ST3GAL4: variants seen among roughly 807,000 people sequenced by gnomAD.
ST3GAL4 encodes ST3 beta-galactoside alpha-2,3-sialyltransferase 4.
Under a neutral mutation model 42.6 loss-of-function variants are expected in ST3GAL4, and 24 were observed. The ratio of observed to expected loss-of-function variants is 0.56; its 90% CI spans 0.41 to 0.79. The LOEUF (loss-of-function observed/expected upper bound fraction) is 0.79, where lower values mean the gene tolerates loss of function less well. Ranked by LOEUF, ST3GAL4 falls within the 30% of genes least tolerant of loss-of-function variation. The probability of loss-of-function intolerance (pLI) is 0.00; values close to 1 mark genes in which losing one functional copy is unlikely to be tolerated. For synonymous variants in ST3GAL4, 135 were observed against 163.2 expected (o/e 0.83, Z 1.32); for missense variants, 311 against 430.8 (o/e 0.72, Z 2.46).
rs569749065 is a variant in ST3GAL4 at position 126,398,960 on chromosome 11, A to T, written c.-60-7136A>T. Among the ~76,000 whole-genome samples the T allele has an allele frequency of 2.0e-5, 3 of 152,304 alleles. No individual in the cohort carries two copies. The highest frequency in any genetic ancestry group is 7.2e-5 in the African/African-American group (3 of 41,566). ...GAGGGCTCCCAAGACCTGGCTTTTG[A>T]CATAGTTCCTTCCCTCAGATTTTGG... On this transcript the variant is annotated intron_variant, in intron 1 of 10. Transcript: ENST00000444328. The surrounding 1 kb of genome is among the most constrained non-coding windows in gnomAD (Gnocchi z 4.7).
intron 1 of ST3GAL4, among the ~76,000 whole-genome samples, chr11:126,369,954 A>G (rs1454646616): frequency 6.6e-6 from 1 of 152,210 alleles, no homozygotes; most frequent in East Asian, 1.9e-4. Context: ...TATGCTTTGG[A>G]GATCAGTTGA....
At position 126,396,176 on chromosome 11, in the gene ST3GAL4, G is replaced by A. The variant is rs1017770869; in HGVS notation, c.-60-9920G>A. 4.6e-5 allele frequency among the ~76,000 whole-genome samples: 7 copies of A among 151,954 alleles called. No homozygotes were observed. Among genetic ancestry groups the A allele is most frequent in the African/African-American group, 1.5e-4 (6 of 41,300 alleles). Reference sequence around the variant, plus strand: ...TTAATGACGTCAAATGCACAGTCCAGCTTGAGTCCCCTCTAGAACGTGGGC... The same window carrying A: ...TTAATGACGTCAAATGCACAGTCCAACTTGAGTCCCCTCTAGAACGTGGGC... On this transcript the variant is annotated intron_variant, in intron 1 of 10. Transcript: ENST00000444328. This position sits in a 1 kb window ranked among gnomAD's most constrained non-coding sequence, Gnocchi z 5.8.
In ST3GAL4 at chr11:126,384,765, G is replaced by C; in HGVS notation, c.-60-21331G>C. 1.0e-6 allele frequency: 1 copy of C among 985,346 alleles called. No homozygotes were observed. Among genetic ancestry groups the C allele is most frequent in the Non-Finnish European group, 1.2e-6 (1 of 829,916 alleles). The allele number at this position is 985,346 out of a possible 1,614,324, so 61.0% of individuals were successfully genotyped here. On this transcript the variant is annotated intron_variant, in intron 1 of 10. Transcript: ENST00000444328. The surrounding 1 kb of genome is among the most constrained non-coding windows in gnomAD (Gnocchi z 5.5). Reference sequence around the variant, plus strand: ...TGGGCCATGGGTGAATCTGAGTCGAGGGCAGGACAGAGTGGGAGTGGCAGT... The same window carrying C: ...TGGGCCATGGGTGAATCTGAGTCGACGGCAGGACAGAGTGGGAGTGGCAGT...
At position 126,388,660 on chromosome 11, in the gene ST3GAL4, G is replaced by GTTTTTT. The variant is rs10599019; in HGVS notation, c.-60-17420_-60-17415dup. On this transcript the variant is annotated intron_variant, in intron 1 of 10. Transcript: ENST00000444328. ...TGCCTATTTTTAAATTAGGTTTCTT[G>GTTTTTT]TTTTTTTTTTTTTTTTTTTTTCTGA... Among the ~76,000 whole-genome samples the GTTTTTT allele has an allele frequency of 1.2e-3, 97 of 79,198 alleles. 1 individual carries two copies. The highest frequency in any genetic ancestry group is 8.2e-3 in the Middle Eastern group (1 of 122). The allele number at this position is 79,198 out of a possible 152,430, so 52.0% of individuals were successfully genotyped here. A position where few individuals can be genotyped will look rare whatever the true frequency, so the allele number is the denominator to read the frequency against.
At chr11:126,371,492 C>G (rs1215264343) in intron 1 of ST3GAL4, among the ~76,000 whole-genome samples, 4 of 152,236 alleles carry the variant, frequency 2.6e-5, no homozygotes, top group South Asian at 2.1e-4. Context: ...TAAGCACGCA[C>G]TATTTACAAA....
chr11:126,408,591 A>G, intron 8 of ST3GAL4, 95 bp downstream of exon 8: 3 of 1,442,884 alleles, frequency 2.1e-6, no homozygotes, highest in Non-Finnish European at 2.8e-6. Context: ...TGGCAGTCCT[A>G]AAGAGGCTGT....
intron 1 of ST3GAL4, among the ~76,000 whole-genome samples, chr11:126,394,879 A>G (rs1319183558): frequency 7.9e-5 from 12 of 151,714 alleles, no homozygotes; most frequent in Non-Finnish European, 1.6e-4. Flanking sequence ...GGGAACAGAG[A>G]GTCTTCTTTT....
chr11:126,399,144 A>G (rs1166235474), intron 1 of ST3GAL4, among the ~76,000 whole-genome samples: 1 of 152,016 alleles, frequency 6.6e-6, no homozygotes, highest in East Asian at 1.9e-4. Context: ...GGTCCATACT[A>G]ATATTCTTAT....
intron 6 of ST3GAL4, among the ~76,000 whole-genome samples, chr11:126,407,843 C>G (rs1954324699): frequency 6.6e-6 from 1 of 151,986 alleles, no homozygotes; most frequent in African/African-American, 2.4e-5. Flanking sequence ...AGGCGTTTCT[C>G]ATTGATACAC....
rs749789592 is a variant in ST3GAL4 at position 126,413,976 on chromosome 11, G to A, written c.931G>A (p.Val311Ile). Residue 311 changes from valine (V) to isoleucine (I), a missense_variant, in exon 11 of 11, where the codon GTC becomes ATC. By Grantham distance (29) the Val-to-Ile change is conservative (BLOSUM62 3). Transcript: ENST00000444328. ...LKSMAGSGHN[V>I]SQEALAIKRM... ...GTCTCCACAGGGGTCAGGCCATAAT[G>A]TCTCCCAAGAGGCCCTGGCCATTAA... is the stretch of plus-strand genomic sequence containing the variant. The A allele has an allele frequency of 6.2e-7, 1 of 1,614,248 alleles. No homozygotes were observed. Among genetic ancestry groups the A allele is most frequent in the Admixed American group, 1.7e-5 (1 of 60,032 alleles).
In ST3GAL4 at chr11:126,383,419, G is replaced by A. The variant is rs545124489; in HGVS notation, c.-60-22677G>A. On this transcript the variant is annotated intron_variant, in intron 1 of 10. Coordinates refer to ENST00000444328, the MANE Select transcript of ST3GAL4 (RefSeq NM_001254757.2). This position sits in a 1 kb window ranked among gnomAD's most constrained non-coding sequence, Gnocchi z 4.5. ...GTGGGAGGAACCCACTGGGCCTGAG[G>A]GAGGTAGAGCAGCAGCAGCAGCAGC... Among the ~76,000 whole-genome samples the A allele has an allele frequency of 6.6e-6, 1 of 152,120 alleles. No individual in the cohort carries two copies. The highest frequency in any genetic ancestry group is 2.1e-4 in the South Asian group (1 of 4,830).
chr11:126,364,929 A>G (rs1952373036), intron 1 of ST3GAL4, among the ~76,000 whole-genome samples: 1 of 149,754 alleles, frequency 6.7e-6, no homozygotes. Context: ...CAAGAAGTGA[A>G]TGTTCTCTTT....
rs1254452932 is a variant in ST3GAL4 at position 126,411,602 on chromosome 11, C to T, written c.772-1903C>T. On this transcript the variant is annotated intron_variant, in intron 9 of 10. Transcript: ENST00000444328. The surrounding 1 kb of genome is among the most constrained non-coding windows in gnomAD (Gnocchi z 6.3). ...CTCGGTGTGTCAACCAGACAGTTCT[C>T]ATCTGGAAGCTTGGGGGAAAATTTT... Among the ~76,000 whole-genome samples, 3 of 152,176 alleles carry T rather than the reference C, an allele frequency of 2.0e-5. No individual in the cohort carries two copies. The highest frequency in any genetic ancestry group is 4.4e-5 in the Non-Finnish European group (3 of 68,036).
rs948535914 is a variant in ST3GAL4 at position 126,359,597 on chromosome 11, G to A, written c.-61+3755G>A. Among the ~76,000 whole-genome samples the A allele has an allele frequency of 2.6e-5, 4 of 152,162 alleles. No individual in the cohort carries two copies. The highest frequency in any genetic ancestry group is 4.4e-5 in the Non-Finnish European group (3 of 68,030). Reference sequence around the variant, plus strand: ...TTGCTCAAGGCCACAGTGTATTAGTGTCAAAGGTGGAACACAAACCCTGAC... The same window carrying A: ...TTGCTCAAGGCCACAGTGTATTAGTATCAAAGGTGGAACACAAACCCTGAC... On this transcript the variant is annotated intron_variant, in intron 1 of 10. Transcript: ENST00000444328. The surrounding 1 kb of genome is among the most constrained non-coding windows in gnomAD (Gnocchi z 4.8).
intron 1 of ST3GAL4, among the ~76,000 whole-genome samples, chr11:126,394,776 G>A (rs1437653532): frequency 2.0e-5 from 3 of 146,876 alleles, no homozygotes; most frequent in African/African-American, 5.0e-5. Context: ...GCTGATAAAC[G>A]GGTGATACAA....
intron 1 of ST3GAL4, among the ~76,000 whole-genome samples, chr11:126,381,353 C>A (rs1382097898): frequency 2.0e-5 from 3 of 152,172 alleles, no homozygotes; most frequent in African/African-American, 7.2e-5. Context: ...GTTACTGTGA[C>A]CCATTCCGGC....
rs1953131658 is a variant in ST3GAL4, at chr11:126,384,312, C to T, written c.-60-21784C>T. Among the ~76,000 whole-genome samples, 1 of 152,190 alleles carries T rather than the reference C, an allele frequency of 6.6e-6. No individual in the cohort carries two copies. The highest frequency in any genetic ancestry group is 1.5e-5 in the Non-Finnish European group (1 of 68,038). ...CCCAGATCTCCGGTGCTCCAAGACACTCAAAACCAGAGCTGAGAGCCTGAA... is the reference window on the plus strand; with the variant it reads ...CCCAGATCTCCGGTGCTCCAAGACATTCAAAACCAGAGCTGAGAGCCTGAA... On this transcript the variant is annotated intron_variant, in intron 1 of 10. Coordinates refer to ENST00000444328, the MANE Select transcript of ST3GAL4 (RefSeq NM_001254757.2). This position sits in a 1 kb window ranked among gnomAD's most constrained non-coding sequence, Gnocchi z 5.5.
chr11:126,388,760 T>G lies in ST3GAL4; in HGVS notation c.-60-17336T>G, dbSNP rs1591456994. Among the ~76,000 whole-genome samples, 2 of 8,830 alleles carry G rather than the reference T, an allele frequency of 2.3e-4. 1 individual carries two copies. Among genetic ancestry groups the G allele is most frequent in the Non-Finnish European group, 5.0e-4 (2 of 4,034 alleles). 5.8% of individuals were successfully genotyped at this position (8,830 alleles called of 152,430 possible). A position where few individuals can be genotyped will look rare whatever the true frequency, so the allele number is the denominator to read the frequency against. On this transcript the variant is annotated intron_variant, in intron 1 of 10. Transcript: ENST00000444328. ...TAGGTTGCAAATGTACTTTAGTTTT[T>G]CAGTGTCTTTTTTTTTTTTTTTTTT...
Position 126,414,150 on chromosome 11 carries a change from C to T in ST3GAL4, c.*103C>T. The stretch of plus-strand genomic sequence containing the variant: ...GGTGCCAGTATGACCCACTTGGACT[C>T]ACCCCCTCTTGGGGAGGGAGTTCTG... On this transcript the variant is annotated 3_prime_UTR_variant, in exon 11 of 11. Coordinates refer to ENST00000444328, the MANE Select transcript of ST3GAL4 (RefSeq NM_001254757.2). 6 of 1,137,802 alleles carry T rather than the reference C, an allele frequency of 5.3e-6. No individual in the cohort carries two copies. Among genetic ancestry groups the T allele is most frequent in the Non-Finnish European group, 6.6e-6 (5 of 753,754 alleles). 70.5% of individuals were successfully genotyped at this position (1,137,802 alleles called of 1,614,324 possible).
Sources: allele counts gnomAD v4.1 joint callset (sites outside exome capture counted in the v4.1 genomes callset), GRCh38; gene constraint gnomAD v4.1.1; non-coding constraint Gnocchi (gnomAD v3.1); transcripts MANE v1.5; gene names NCBI Gene and HGNC (gene_info 2026-07-23, HGNC 2026-07-21).